HEMK2: variants seen among roughly 807,000 people sequenced by gnomAD.
HEMK2 encodes the protein methyltransferase HEMK2.
At chr21:28,882,965 G>A in the HEMK2 span, 5 of 1,481,506 alleles carry the variant, frequency 3.4e-6, no homozygotes, top group East Asian at 9.3e-5. Flanking sequence ...GGAAGATCTA[G>A]ATGAATATGA....
At chr21:28,757,999 G>C in the HEMK2 span, among the ~76,000 whole-genome samples, 2 of 152,132 alleles carry the variant, frequency 1.3e-5, no homozygotes, top group African/African-American at 4.8e-5. Context: ...AATTTGCTTT[G>C]AGATTCATTT....
chr21:28,720,212 C>T, the HEMK2 span, among the ~76,000 whole-genome samples: 1 of 152,182 alleles, frequency 6.6e-6, no homozygotes, highest in East Asian at 1.9e-4. Context: ...TAAATAGAAA[C>T]ACACATAAGG....
chr21:28,720,823 T>G, the HEMK2 span, among the ~76,000 whole-genome samples: 3 of 152,074 alleles, frequency 2.0e-5, no homozygotes, highest in Non-Finnish European at 2.9e-5. Flanking sequence ...AGGAGAGCAC[T>G]CAACTGGAGC....
the HEMK2 span, among the ~76,000 whole-genome samples, chr21:28,615,226 G>A: frequency 1.3e-5 from 2 of 152,240 alleles, no homozygotes; most frequent in East Asian, 3.9e-4. Flanking sequence ...AAGACGCAGG[G>A]AGTAAGATGC....
At chr21:28,706,210 A>G in the HEMK2 span, among the ~76,000 whole-genome samples, 1 of 152,222 alleles carries the variant, frequency 6.6e-6, no homozygotes, top group Non-Finnish European at 1.5e-5. Flanking sequence ...ACCTGTCTCT[A>G]AATCTCCTCT....
the HEMK2 span, among the ~76,000 whole-genome samples, chr21:28,639,996 T>G: frequency 1.3e-5 from 2 of 152,126 alleles, no homozygotes; most frequent in Admixed American, 1.3e-4. Flanking sequence ...TGAGTTGTAA[T>G]CCTGGAGACA....
At chr21:28,623,440 T>C in the HEMK2 span, among the ~76,000 whole-genome samples, 1 of 152,114 alleles carries the variant, frequency 6.6e-6, no homozygotes, top group Admixed American at 6.5e-5. Flanking sequence ...TCCTCAAGGA[T>C]CTAAAACCAG....
chr21:28,687,914 G>A, the HEMK2 span, among the ~76,000 whole-genome samples: 1 of 152,154 alleles, frequency 6.6e-6, no homozygotes, highest in African/African-American at 2.4e-5. Context: ...TTAATTTTAA[G>A]GCTAGATGCA....
At chr21:28,869,566 G>A in the HEMK2 span, among the ~76,000 whole-genome samples, 1 of 152,168 alleles carries the variant, frequency 6.6e-6, no homozygotes, top group African/African-American at 2.4e-5. Flanking sequence ...CTGGCCACTG[G>A]AATTTGAAGT....
chr21:28,579,680 C>T, the HEMK2 span, among the ~76,000 whole-genome samples: 10 of 152,142 alleles, frequency 6.6e-5, no homozygotes, highest in African/African-American at 1.4e-4. Context: ...CATGTCAAGG[C>T]AGTGTGGCAA....
At chr21:28,724,621 G>A in the HEMK2 span, among the ~76,000 whole-genome samples, 1 of 152,300 alleles carries the variant, frequency 6.6e-6, no homozygotes, top group South Asian at 2.1e-4. Context: ...TATAATAACA[G>A]AGCGCCAGCA....
At chr21:28,740,057 A>G in the HEMK2 span, among the ~76,000 whole-genome samples, 1 of 152,170 alleles carries the variant, frequency 6.6e-6, no homozygotes, top group African/African-American at 2.4e-5. Context: ...GTCTTCCCCC[A>G]AAGAGTTCCC....
At chr21:28,847,468 T>G in the HEMK2 span, among the ~76,000 whole-genome samples, 5 of 152,202 alleles carry the variant, frequency 3.3e-5, no homozygotes, top group Admixed American at 2.0e-4. Context: ...TTTAACAAAG[T>G]TATTTGCTTT....
At chr21:28,879,491 T>C in the HEMK2 span, among the ~76,000 whole-genome samples, 1 of 152,218 alleles carries the variant, frequency 6.6e-6, no homozygotes, top group Admixed American at 6.5e-5. Flanking sequence ...ATCTGCCGCC[T>C]CGGCCTCCCA....
the HEMK2 span, among the ~76,000 whole-genome samples, chr21:28,722,883 TCAAACAAA>T: frequency 0.2 from 31,016 of 151,472 alleles, 3,376 homozygotes; most frequent in Middle Eastern, 0.31. Context: ...AAACTCAGTC[TCAAACAAA>T]CAAACAAACA....
At chr21:28,871,357 G>A in the HEMK2 span, among the ~76,000 whole-genome samples, 6 of 152,120 alleles carry the variant, frequency 3.9e-5, no homozygotes, top group Admixed American at 3.9e-4. Flanking sequence ...GGAGCAGGAG[G>A]AAGAGAGCGA....
chr21:28,864,897 A>ATAGATAGAT, the HEMK2 span, among the ~76,000 whole-genome samples: 2 of 75,760 alleles, frequency 2.6e-5, no homozygotes, highest in African/African-American at 8.5e-5. Flanking sequence ...GATGATAGAT[A>ATAGATAGAT]GATATAGATA....
the HEMK2 span, among the ~76,000 whole-genome samples, chr21:28,790,107 A>G: frequency 6.6e-6 from 1 of 152,334 alleles, no homozygotes; most frequent in South Asian, 2.1e-4. Context: ...ATCATTTTAT[A>G]ATATAGTTTA....
the HEMK2 span, among the ~76,000 whole-genome samples, chr21:28,724,580 C>T: frequency 0.55 from 83,119 of 152,008 alleles, 25,077 homozygotes; most frequent in East Asian, 0.84. Context: ...TTTAACCAGA[C>T]GCTACATTTG....
Sources: allele counts gnomAD v4.1 joint callset (sites outside exome capture counted in the v4.1 genomes callset), GRCh38; gene constraint gnomAD v4.1.1; transcripts MANE v1.5; gene names NCBI Gene and HGNC (gene_info 2026-07-23, HGNC 2026-07-21).